Variants in SYPL1 observed in about 807,000 individuals in gnomAD.
The protein encoded by SYPL1 is synaptophysin like 1.
Under a neutral mutation model 23.7 loss-of-function variants are expected in SYPL1, and 6 were observed. The ratio of observed to expected loss-of-function variants is 0.25; its 90% CI spans 0.14 to 0.50. The LOEUF is 0.50. Ranked by LOEUF, SYPL1 falls within the 20% of genes least tolerant of loss-of-function variation. The pLI is 0.98. For synonymous variants in SYPL1, 102 were observed against 104.5 expected, an observed-to-expected ratio of 0.98 and a Z score of 0.15; for missense variants, 253 against 288.9, an observed-to-expected ratio of 0.88 and a Z score of 0.90.
Position 106,096,888 on chromosome 7 carries a change from T to C in SYPL1, c.402+802A>G, listed in dbSNP as rs1169515066. Among the ~76,000 whole-genome samples, 1 of 152,160 alleles carries C rather than the reference T, an allele frequency of 6.6e-6. No individual in the cohort carries two copies. The highest frequency in any genetic ancestry group is 1.5e-5 in the Non-Finnish European group (1 of 68,020). On this transcript the variant is annotated intron_variant, in intron 3 of 4. Transcript: ENST00000455385. The surrounding 1 kb of genome is among the most constrained non-coding windows in gnomAD (Gnocchi z 4.4). ...GCAGCCATAGGCAATGTGTAAATGATTGTGTATGGCTGAGTTCCAAAAAAA... is the reference window on the plus strand; with the variant it reads ...GCAGCCATAGGCAATGTGTAAATGACTGTGTATGGCTGAGTTCCAAAAAAA...
At position 106,091,276 on chromosome 7, in the gene SYPL1, C is replaced by A. The variant is rs971081797; in HGVS notation, c.*529G>T. The A allele has an allele frequency of 1.3e-5, 2 of 152,154 alleles. No homozygotes were observed. Among genetic ancestry groups the A allele is most frequent in the African/African-American group, 4.8e-5 (2 of 41,366 alleles). The allele number at this position is 152,154 out of a possible 1,614,324, so 9.4% of individuals were successfully genotyped here. A position where few individuals can be genotyped will look rare whatever the true frequency, so the allele number is the denominator to read the frequency against. On this transcript the variant is annotated 3_prime_UTR_variant, in exon 5 of 5. Transcript: ENST00000455385. This position sits in a 1 kb window ranked among gnomAD's most constrained non-coding sequence, Gnocchi z 5.0. ...TTAGAAAAACAGAAAAAAATATACACCTAGTCTTTGCAATTAAAAAAAAAT... is the reference window on the plus strand; with the variant it reads ...TTAGAAAAACAGAAAAAAATATACAACTAGTCTTTGCAATTAAAAAAAAAT...
At chr7:106,107,122 T>C (rs1298752596) in intron 1 of SYPL1, among the ~76,000 whole-genome samples, 1 of 152,222 alleles carries the variant, frequency 6.6e-6, no homozygotes, top group African/African-American at 2.4e-5. Flanking sequence ...TATGAGTGTT[T>C]ACATGCAAAA....
rs1840466096 is a variant in SYPL1 at position 106,104,116 on chromosome 7, T to A, written c.70-4834A>T. Among the ~76,000 whole-genome samples, 1 of 152,246 alleles carries A rather than the reference T, an allele frequency of 6.6e-6. No individual in the cohort carries two copies. Among genetic ancestry groups the A allele is most frequent in the Admixed American group, 6.5e-5 (1 of 15,282 alleles). ...CTTCTGGGAATGCCCTGTCTCTGAT[T>A]AGCTCATCTTTTAAGGCCCTACCCA... On this transcript the variant is annotated intron_variant, in intron 1 of 4. Coordinates refer to ENST00000455385, the MANE Select transcript of SYPL1 (RefSeq NM_182715.4). The surrounding 1 kb of genome is among the most constrained non-coding windows in gnomAD (Gnocchi z 4.1).
At chr7:106,105,671 G>A (rs1840554891) in intron 1 of SYPL1, among the ~76,000 whole-genome samples, 1 of 151,954 alleles carries the variant, frequency 6.6e-6, no homozygotes. Flanking sequence ...ACTTAAATAA[G>A]GAATTGAAGC....
Position 106,100,151 on chromosome 7 carries a change from C to T in SYPL1, c.70-869G>A, listed in dbSNP as rs2116135236. ...AGAGAAGAGACACTATTTCATGAGC[C>T]TGTTAAACCTCCCTTGTGGGTATTT... On this transcript the variant is annotated intron_variant, in intron 1 of 4. Transcript: ENST00000455385. This position sits in a 1 kb window ranked among gnomAD's most constrained non-coding sequence, Gnocchi z 5.1. Among the ~76,000 whole-genome samples, 1 of 152,288 alleles carries T rather than the reference C, an allele frequency of 6.6e-6. No individual in the cohort carries two copies. Among genetic ancestry groups the T allele is most frequent in the African/African-American group, 2.4e-5 (1 of 41,568 alleles).
chr7:106,112,338 G>A, upstream of SYPL1: 1 of 1,252,886 alleles, frequency 8.0e-7, no homozygotes, highest in Non-Finnish European at 1.0e-6. Flanking sequence ...AGGCGGGCCC[G>A]GGCGGCCGTG....
intron 3 of SYPL1, among the ~76,000 whole-genome samples, chr7:106,093,678 T>A (rs1234096742): frequency 1.6e-5 from 2 of 126,682 alleles, no homozygotes; most frequent in Non-Finnish European, 3.7e-5. Context: ...TTCATTATCA[T>A]CTCTTGCACA....
At chr7:106,098,201 T>G (rs893294530) in intron 2 of SYPL1, among the ~76,000 whole-genome samples, 2 of 152,256 alleles carry the variant, frequency 1.3e-5, no homozygotes, top group Non-Finnish European at 2.9e-5. Flanking sequence ...TGGTTTATAC[T>G]TTGAGACATC....
At chr7:106,094,596 A>G (rs10953491) in intron 3 of SYPL1, among the ~76,000 whole-genome samples, 30,941 of 152,116 alleles carry the variant, frequency 0.2, 4,386 homozygotes, top group African/African-American at 0.4. Flanking sequence ...TACATCTGCT[A>G]TACATTCTGC....
chr7:106,092,454 C>T, intron 4 of SYPL1: 1 of 223,138 alleles, frequency 4.5e-6, no homozygotes, highest in Non-Finnish European at 9.1e-6. Context: ...AGGCAGATCA[C>T]TTGAGGTCGG....
At chr7:106,098,200 C>T (rs561391751) in intron 2 of SYPL1, among the ~76,000 whole-genome samples, 46 of 152,298 alleles carry the variant, frequency 3.0e-4, no homozygotes, top group Non-Finnish European at 6.3e-4. Context: ...ATGGTTTATA[C>T]TTTGAGACAT....
In SYPL1 at chr7:106,093,343, A is replaced by G. The variant is rs376529193; in HGVS notation, c.403-206T>C. On this transcript the variant is annotated intron_variant, in intron 3 of 4. Coordinates refer to ENST00000455385, the MANE Select transcript of SYPL1 (RefSeq NM_182715.4). ...AGTGCCTGAGTTACAACAGTAAATA[A>G]GACTCAGTCATCCCCTCAGAAGTCT... The G allele has an allele frequency of 4.0e-5, 19 of 474,958 alleles. No homozygotes were observed. The South Asian group carries it at 6.5e-4, about 16-fold the overall frequency. 29.4% of individuals were successfully genotyped at this position (474,958 alleles called of 1,614,324 possible).
At chr7:106,102,647 G>C (rs186675247) in intron 1 of SYPL1, among the ~76,000 whole-genome samples, 1 of 152,228 alleles carries the variant, frequency 6.6e-6, no homozygotes, top group Admixed American at 6.5e-5. Flanking sequence ...CAACCTTATG[G>C]GAGACCCTAT....
At chr7:106,106,759 A>C (rs1172170729) in intron 1 of SYPL1, among the ~76,000 whole-genome samples, 1 of 150,892 alleles carries the variant, frequency 6.6e-6, no homozygotes, top group East Asian at 2.0e-4. Flanking sequence ...GTGAGAGAAA[A>C]GCTTGAGCCT....
intron 1 of SYPL1, among the ~76,000 whole-genome samples, chr7:106,107,110 T>C (rs1012572579): frequency 1.3e-5 from 2 of 152,234 alleles, no homozygotes; most frequent in Non-Finnish European, 2.9e-5. Context: ...AAGTATATTA[T>C]GTATGAGTGT....
chr7:106,100,605 T>C lies in SYPL1; in HGVS notation c.70-1323A>G, dbSNP rs1481611965. On this transcript the variant is annotated intron_variant, in intron 1 of 4. Coordinates refer to ENST00000455385, the MANE Select transcript of SYPL1 (RefSeq NM_182715.4). The surrounding 1 kb of genome is among the most constrained non-coding windows in gnomAD (Gnocchi z 5.1). ...TCCAGGAGCTCAATCTTTCAGCAAG[T>C]GGTGATGGCTCTATTTTCAAAATAC... 6.6e-6 allele frequency among the ~76,000 whole-genome samples: 1 copy of C among 152,214 alleles called. No homozygotes were observed. The highest frequency in any genetic ancestry group is 2.4e-5 in the African/African-American group (1 of 41,466).
chr7:106,107,478 C>T (rs112459228), intron 1 of SYPL1, among the ~76,000 whole-genome samples: 11,141 of 152,214 alleles, frequency 0.073, 430 homozygotes, highest in Middle Eastern at 0.17. Flanking sequence ...CAGTGGCTCA[C>T]GCCTGTAATC....
At chr7:106,107,530 C>T (rs781575896) in intron 1 of SYPL1, among the ~76,000 whole-genome samples, 28 of 152,022 alleles carry the variant, frequency 1.8e-4, no homozygotes, top group Non-Finnish European at 3.8e-4. Context: ...TACCTGAGGT[C>T]AGGAGTTTGA....
intron 3 of SYPL1, among the ~76,000 whole-genome samples, chr7:106,094,829 C>A (rs960409233): frequency 2.6e-5 from 4 of 151,946 alleles, no homozygotes; most frequent in African/African-American, 9.7e-5. Context: ...TGGCTTGAGG[C>A]CATTCTTATA....
Sources: gnomAD v4.1 joint callset for allele counts (sites outside exome capture counted in the v4.1 genomes callset) on GRCh38, gnomAD v4.1.1 for gene constraint, Gnocchi (gnomAD v3.1) non-coding constraint, MANE v1.5 for transcripts, NCBI Gene and HGNC (gene_info 2026-07-23, HGNC 2026-07-21) for gene names.